CACNA1B: variants seen among roughly 807,000 people sequenced by gnomAD.
The protein encoded by CACNA1B is voltage-dependent N-type calcium channel subunit alpha-1B.
Under a neutral mutation model 247.2 loss-of-function variants are expected in CACNA1B, and 70 were observed. That is an observed-to-expected ratio of 0.28 (90% CI 0.23 to 0.35). The LOEUF is 0.35. Ranked by LOEUF, CACNA1B falls within the 10% of genes least tolerant of loss-of-function variation. CACNA1B has a pLI of 1.00. For synonymous variants in CACNA1B, 1,231 were observed against 1,294.4 expected (o/e 0.95, Z 1.05); for missense variants, 2,367 against 3,197.4 (o/e 0.74, Z 6.26).
chr9:138,087,603 T>C (rs1960739940), intron 36 of CACNA1B, among the ~76,000 whole-genome samples: 1 of 147,072 alleles, frequency 6.8e-6, no homozygotes, highest in African/African-American at 2.5e-5. Context: ...TAGTCCCAGC[T>C]ACTTGGGAGG....
intron 21 of CACNA1B, among the ~76,000 whole-genome samples, chr9:138,045,763 A>C (rs914989968): frequency 9.2e-5 from 14 of 152,174 alleles, no homozygotes; most frequent in Non-Finnish European, 1.5e-5. Context: ...GCAAGGGTTG[A>C]GGCAGCAGCA....
rs1957378822 is a variant in CACNA1B, at chr9:137,913,377, G to A, written c.622+106G>A. 1.2e-6 allele frequency: 1 copy of A among 861,496 alleles called. No individual in the cohort carries two copies. The highest frequency in any genetic ancestry group is 2.4e-5 in the Admixed American group (1 of 41,802). The allele number at this position is 861,496 out of a possible 1,614,324, so 53.4% of individuals were successfully genotyped here. ...CATGGTTTGGCTTTGGTGACTCTGA[G>A]CTTGCCACTTTTGACCCCAGGGAAC... On this transcript the variant is annotated intron_variant, in intron 4 of 46. Coordinates refer to ENST00000371372, the MANE Select transcript of CACNA1B (RefSeq NM_000718.4). This position sits in a 1 kb window ranked among gnomAD's most constrained non-coding sequence, Gnocchi z 5.2.
chr9:138,022,697 G>A (rs1332621929), intron 18 of CACNA1B, among the ~76,000 whole-genome samples: 1 of 151,938 alleles, frequency 6.6e-6, no homozygotes, highest in Non-Finnish European at 1.5e-5. Flanking sequence ...CCACCTGCTT[G>A]GCCTGTCTGG....
At chr9:138,088,958 TCAAAAAAAAAAAAA>T (rs1960790516) in intron 36 of CACNA1B, among the ~76,000 whole-genome samples, 1 of 10,260 alleles carries the variant, frequency 9.7e-5, no homozygotes, top group Non-Finnish European at 2.3e-4. Context: ...AAACTCCGTC[TCAAAAAAAAAAAAA>T]AAAAAAAAAA....
rs1243717933 is a variant in CACNA1B, at chr9:138,087,414, A to AAAAAG, written c.5095-9063_5095-9059dup. Reference sequence around the variant, plus strand: ...AAAAAAAAAAAAAAAGAAAAAGAAAAAAAAGAAAAGAGAAAAAGAAGCCTG... The same window carrying AAAAAG: ...AAAAAAAAAAAAAAAGAAAAAGAAAAAAAAGAAAAGAAAAGAGAAAAAGAAGCCTG... On this transcript the variant is annotated intron_variant, in intron 36 of 46. Transcript: ENST00000371372. Among the ~76,000 whole-genome samples the AAAAAG allele has an allele frequency of 2.0e-5, 3 of 148,280 alleles. 1 individual carries two copies. The East Asian group carries it at 6.3e-4, about 31-fold the overall frequency.
intron 6 of CACNA1B, among the ~76,000 whole-genome samples, chr9:137,936,824 G>C (rs1372682899): frequency 6.6e-6 from 1 of 152,204 alleles, no homozygotes; most frequent in Admixed American, 6.5e-5. Context: ...CCTCTGTTCT[G>C]TTCCATTGGT....
At chr9:138,107,850 T>G (rs1961485335) in intron 39 of CACNA1B, among the ~76,000 whole-genome samples, 1 of 151,988 alleles carries the variant, frequency 6.6e-6, no homozygotes, top group African/African-American at 2.4e-5. Context: ...CCGGGCATGG[T>G]GGCGGGCGCC....
intron 3 of CACNA1B, among the ~76,000 whole-genome samples, chr9:137,883,442 A>G (rs1185394879): frequency 2.0e-5 from 3 of 152,010 alleles, no homozygotes; most frequent in East Asian, 3.9e-4. Flanking sequence ...TTTCTCCTCA[A>G]CCACTTACCC....
At chr9:137,932,524 C>A (rs1038220873) in intron 6 of CACNA1B, among the ~76,000 whole-genome samples, 1 of 152,142 alleles carries the variant, frequency 6.6e-6, no homozygotes, top group African/African-American at 2.4e-5. Flanking sequence ...TGGTTGAGGT[C>A]TTTGCTAAGG....
At chr9:137,995,905 A>T (rs1958494424) in intron 15 of CACNA1B, among the ~76,000 whole-genome samples, 1 of 152,266 alleles carries the variant, frequency 6.6e-6, no homozygotes, top group Non-Finnish European at 1.5e-5. Flanking sequence ...ACAAAAGCAT[A>T]TGGAAAAATG....
chr9:138,112,751 A>G (rs1961686425), intron 40 of CACNA1B, among the ~76,000 whole-genome samples: 2 of 152,264 alleles, frequency 1.3e-5, no homozygotes, highest in Admixed American at 6.5e-5. Context: ...TTTTAAATCC[A>G]GAGGAAAGGC....
intron 36 of CACNA1B, among the ~76,000 whole-genome samples, chr9:138,093,634 A>T (rs1192385937): frequency 5.9e-5 from 9 of 151,810 alleles, no homozygotes; most frequent in Non-Finnish European, 8.8e-5. Context: ...CCAGGTACTC[A>T]GGAGGCTAAG....
intron 3 of CACNA1B, among the ~76,000 whole-genome samples, chr9:137,893,398 C>A (rs1406555893): frequency 6.7e-6 from 1 of 149,728 alleles, no homozygotes; most frequent in Non-Finnish European, 1.5e-5. Flanking sequence ...TGCCTGTAAT[C>A]CCAGCACTTT....
rs1163873906 is a variant in CACNA1B, at chr9:138,115,634, T to C, written c.5732T>C (p.Phe1911Ser). ...GCTGTGCTCCGAGGAGCCCGGGTTT[T>C]CCTTCGACAGAAGAGTTCCACCTCC... ...QPAVLRGARV[F>S]LRQKSSTSLS... The change falls in exon 42 of 47, where the codon TTC becomes TCC. Residue 1911 changes from phenylalanine to serine, a missense_variant. Physicochemically the swap from Phe to Ser is radical, Grantham distance 155. Transcript: ENST00000371372. 6.2e-7 allele frequency: 1 copy of C among 1,613,794 alleles called. No individual in the cohort carries two copies. Among genetic ancestry groups the C allele is most frequent in the Non-Finnish European group, 8.5e-7 (1 of 1,179,822 alleles).
chr9:137,892,777 G>C (rs1016228534), intron 3 of CACNA1B, among the ~76,000 whole-genome samples: 1 of 152,248 alleles, frequency 6.6e-6, no homozygotes, highest in African/African-American at 2.4e-5. Flanking sequence ...TACAGCGTGT[G>C]GGGAGGGAAT....
chr9:138,004,520 G>A (rs541619592), intron 15 of CACNA1B, among the ~76,000 whole-genome samples: 11 of 149,804 alleles, frequency 7.3e-5, no homozygotes, highest in East Asian at 2.0e-4. Flanking sequence ...ACTGCACTCC[G>A]GCCTGGGAAA....
Position 138,072,207 on chromosome 9 carries a change from A to T in CACNA1B, c.4675-1281A>T, listed in dbSNP as rs969313924. Among the ~76,000 whole-genome samples the T allele has an allele frequency of 6.6e-6, 1 of 152,046 alleles. No individual in the cohort carries two copies. Among genetic ancestry groups the T allele is most frequent in the Non-Finnish European group, 1.5e-5 (1 of 68,002 alleles). ...ATCATTCAAAACCAGTCCTGCTCCC[A>T]CAGTTGCAGCATCCCGCCTGAGAGC... On this transcript the variant is annotated intron_variant, in intron 32 of 46. Coordinates refer to ENST00000371372, the MANE Select transcript of CACNA1B (RefSeq NM_000718.4). The surrounding 1 kb of genome is among the most constrained non-coding windows in gnomAD (Gnocchi z 4.5).
chr9:138,047,176 G>A, intron 22 of CACNA1B, 143 bp downstream of exon 22: 2 of 845,464 alleles, frequency 2.4e-6, no homozygotes, highest in South Asian at 1.8e-5. Flanking sequence ...GTGCCTGGCA[G>A]TGCACGACCA....
intron 7 of CACNA1B, among the ~76,000 whole-genome samples, chr9:137,953,835 G>T (rs1269936682): frequency 1.3e-5 from 2 of 152,116 alleles, no homozygotes; most frequent in Non-Finnish European, 1.5e-5. Context: ...CTGTCAGGGG[G>T]CTGGCAGCCA....
Sources: allele counts gnomAD v4.1 joint callset (sites outside exome capture counted in the v4.1 genomes callset), GRCh38; gene constraint gnomAD v4.1.1; non-coding constraint Gnocchi (gnomAD v3.1); transcripts MANE v1.5; gene names NCBI Gene and HGNC (gene_info 2026-07-23, HGNC 2026-07-21).